HSD17B3: variants seen among roughly 807,000 people sequenced by gnomAD.
HSD17B3 encodes 17-beta-hydroxysteroid dehydrogenase type 3.
A neutral mutation model predicts 41.1 loss-of-function variants in HSD17B3; 29 were observed. The observed-to-expected ratio is 0.71, with a 90% CI of 0.53 to 0.96. The LOEUF is 0.96. HSD17B3 is among the 40% of genes least tolerant of loss of function. HSD17B3 has a pLI of 0.00. For synonymous variants in HSD17B3, 126 were observed against 145.6 expected, an observed-to-expected ratio of 0.87 and a Z score of 0.97; for missense variants, 323 against 374.6, an observed-to-expected ratio of 0.86 and a Z score of 1.14.
intron 2 of HSD17B3, among the ~76,000 whole-genome samples, chr9:96,257,520 A>T (rs1396409739): frequency 6.6e-6 from 1 of 151,508 alleles, no homozygotes; most frequent in Non-Finnish European, 1.5e-5. Flanking sequence ...ATTTATTTTT[A>T]TCCTATATAA....
In HSD17B3 at chr9:96,244,449, C is replaced by T; in HGVS notation, c.607-55G>A. On this transcript the variant is annotated intron_variant, in intron 8 of 10. Coordinates refer to ENST00000375263, the MANE Select transcript of HSD17B3 (RefSeq NM_000197.2). The stretch of plus-strand genomic sequence containing the variant: ...CCCAGAGTGAGCTCCCTCGTCAGAG[C>T]CAACTTCCTCTGACTTCAAGGGGCA... 4 of 1,541,558 alleles carry T rather than the reference C, an allele frequency of 2.6e-6. No individual in the cohort carries two copies. The East Asian group carries it at 9.0e-5, about 35-fold the overall frequency.
intron 7 of HSD17B3, among the ~76,000 whole-genome samples, chr9:96,246,161 G>A (rs2253502): frequency 0.77 from 117,456 of 152,150 alleles, 45,490 homozygotes; most frequent in Non-Finnish European, 0.78. Context: ...GAGCTGACAG[G>A]GCAGTGATTT....
chr9:96,240,960 G>T (rs896745059), intron 9 of HSD17B3, 53 bp from the exon 10 acceptor site: 138 of 1,608,468 alleles, frequency 8.6e-5, no homozygotes, highest in Non-Finnish European at 1.1e-4. Flanking sequence ...CCAGGAAGAA[G>T]ACTCAGAAAT....
intron 2 of HSD17B3, among the ~76,000 whole-genome samples, chr9:96,293,791 C>G (rs988057230): frequency 3.3e-5 from 5 of 152,170 alleles, no homozygotes; most frequent in Non-Finnish European, 7.3e-5. Flanking sequence ...CCAATAAGAA[C>G]AAAACCTAAC....
At chr9:96,260,715 A>C (rs1401462175) in intron 2 of HSD17B3, among the ~76,000 whole-genome samples, 2 of 152,190 alleles carry the variant, frequency 1.3e-5, no homozygotes, top group Non-Finnish European at 2.9e-5. Context: ...TAGTGAGCCG[A>C]GATCGCACCA....
In HSD17B3 at chr9:96,255,367, C is replaced by CTTTTTTTT. The variant is rs869145717; in HGVS notation, c.202-432_202-425dup. ...AAGCAGTGTTTCTGCCCCAACATTT[C>CTTTTTTTT]TTTTTTTTTTTTTTTTTTTTTTTTT... On this transcript the variant is annotated intron_variant, in intron 2 of 10. Coordinates refer to ENST00000375263, the MANE Select transcript of HSD17B3 (RefSeq NM_000197.2). 2.1e-3 allele frequency among the ~76,000 whole-genome samples: 116 copies of CTTTTTTTT among 54,566 alleles called. 20 individuals are homozygous for CTTTTTTTT. Among genetic ancestry groups the CTTTTTTTT allele is most frequent in the African/African-American group, 3.7e-3 (54 of 14,718 alleles). The allele number at this position is 54,566 out of a possible 152,430, so 35.8% of individuals were successfully genotyped here.
At chr9:96,238,786 G>A (rs1282632778) in intron 10 of HSD17B3, among the ~76,000 whole-genome samples, 2 of 152,222 alleles carry the variant, frequency 1.3e-5, no homozygotes, top group Admixed American at 1.3e-4. Context: ...GGGGGCTGAA[G>A]GATAAGGCCT....
chr9:96,263,898 C>T (rs1404982434), intron 2 of HSD17B3, among the ~76,000 whole-genome samples: 2 of 151,930 alleles, frequency 1.3e-5, no homozygotes, highest in Admixed American at 6.6e-5. Flanking sequence ...CTATTGTACA[C>T]CATGTATACA....
chr9:96,278,713 T>G (rs748613487), intron 2 of HSD17B3, among the ~76,000 whole-genome samples: 3 of 152,252 alleles, frequency 2.0e-5, no homozygotes, highest in African/African-American at 4.8e-5. Context: ...CTTTATTTGA[T>G]GTAAGCCTAT....
intron 5 of HSD17B3, 21 bp from the exon 6 acceptor site, chr9:96,249,807 C>T (rs780658129): frequency 1.9e-6 from 3 of 1,613,910 alleles, no homozygotes; most frequent in African/African-American, 2.7e-5. Context: ...TAATCACAAC[C>T]ACACATCAGC....
chr9:96,239,844 GT>G (rs8190561), intron 10 of HSD17B3: 65,844 of 152,048 alleles, frequency 0.43, 14,749 homozygotes, highest in East Asian at 0.5. Flanking sequence ...GTTTGTGTTT[GT>G]TTTTAAAAGC....
At chr9:96,243,263 G>A (rs1176504476) in intron 9 of HSD17B3, among the ~76,000 whole-genome samples, 1 of 152,230 alleles carries the variant, frequency 6.6e-6, no homozygotes, top group Non-Finnish European at 1.5e-5. Flanking sequence ...GCTGGGAGTG[G>A]GAGCACGGAG....
rs62555914 is a variant in HSD17B3, at chr9:96,278,665, G to A, written c.201+19751C>T. 1.9e-3 allele frequency among the ~76,000 whole-genome samples: 282 copies of A among 152,186 alleles called. 2 individuals are homozygous for A. The highest frequency in any genetic ancestry group is 2.2e-3 in the Non-Finnish European group (152 of 67,996). The stretch of plus-strand genomic sequence containing the variant: ...TGTCTACAACTAGGCAGAAATGATG[G>A]GAACCATGAATTTGATGGTAGGCCA... On this transcript the variant is annotated intron_variant, in intron 2 of 10. Transcript: ENST00000375263.
At position 96,245,411 on chromosome 9, in the gene HSD17B3, G is replaced by T. The variant is rs563341078; in HGVS notation, c.540C>A (p.Ile180=). The change falls in exon 8 of 11, where the codon ATC becomes ATA. Residue 180 remains isoleucine, a synonymous_variant. Transcript: ENST00000375263. ...GGGCTATCCCAGAAGAAATGTTCAG[G>T]ATGAGACCTTTCTGCCTGAAAGGCA... ...KHMESRQKGL[I]LNISSGIALF... The T allele has an allele frequency of 6.8e-6, 11 of 1,613,966 alleles. No individual in the cohort carries two copies. Among genetic ancestry groups the T allele is most frequent in the East Asian group, 2.2e-5 (1 of 44,886 alleles).
chr9:96,288,870 G>T (rs1284105814), intron 2 of HSD17B3, among the ~76,000 whole-genome samples: 1 of 151,698 alleles, frequency 6.6e-6, no homozygotes, highest in African/African-American at 2.4e-5. Context: ...CCGGGAGGCG[G>T]AGCTCGCAAT....
At chr9:96,260,946 TC>T (rs1454409993) in intron 2 of HSD17B3, among the ~76,000 whole-genome samples, 2 of 152,136 alleles carry the variant, frequency 1.3e-5, no homozygotes, top group Admixed American at 6.6e-5. Context: ...CTCGCAGTAG[TC>T]CCTTCCCGTC....
intron 2 of HSD17B3, among the ~76,000 whole-genome samples, chr9:96,286,900 G>C (rs1210374804): frequency 4.6e-5 from 7 of 152,186 alleles, no homozygotes; most frequent in Non-Finnish European, 5.9e-5. Context: ...TGGGCAACCA[G>C]CAGCCCTCAG....
intron 6 of HSD17B3, chr9:96,247,379 T>C (rs1479512039): frequency 2.0e-4 from 31 of 152,578 alleles, no homozygotes; most frequent in Admixed American, 2.0e-3. Flanking sequence ...GGTGGAGACA[T>C]CAAGGCACCT....
chr9:96,285,725 A>T (rs569368408), intron 2 of HSD17B3, among the ~76,000 whole-genome samples: 1 of 152,248 alleles, frequency 6.6e-6, no homozygotes, highest in East Asian at 1.9e-4. Context: ...CACAATATTG[A>T]TGCCTTCTCA....
Sources: allele counts gnomAD v4.1 joint callset (sites outside exome capture counted in the v4.1 genomes callset), GRCh38; gene constraint gnomAD v4.1.1; transcripts MANE v1.5; gene names NCBI Gene and HGNC (gene_info 2026-07-23, HGNC 2026-07-21).